PCDH15: variants seen among roughly 807,000 people sequenced by gnomAD.
PCDH15 encodes the protein protocadherin related 15.
Under a neutral mutation model 178.5 loss-of-function variants are expected in PCDH15, and 129 were observed. The ratio of observed to expected loss-of-function variants is 0.72; its 90% CI spans 0.63 to 0.84. The LOEUF (loss-of-function observed/expected upper bound fraction) is 0.84, where lower values mean the gene tolerates loss of function less well. PCDH15 is among the 40% of genes least tolerant of loss of function. The pLI is 0.00. For missense variants in PCDH15, 2,230 were observed against 2,099.9 expected, an observed-to-expected ratio of 1.06 and a Z score of -1.21; for synonymous variants, 800 against 732.0, an observed-to-expected ratio of 1.09 and a Z score of -1.50.
intron 25 of PCDH15, among the ~76,000 whole-genome samples, chr10:53,903,673 C>T (rs771161713): frequency 1.3e-5 from 2 of 152,070 alleles, no homozygotes; most frequent in Non-Finnish European, 2.9e-5. Context: ...CTACTGTTCA[C>T]GTTCACAAAC....
At chr10:55,252,469 TA>T (rs2132225058) in intron 1 of PCDH15, among the ~76,000 whole-genome samples, 1 of 152,284 alleles carries the variant, frequency 6.6e-6, no homozygotes, top group South Asian at 2.1e-4. Flanking sequence ...TTTCCCAAAT[TA>T]TAAAATATTG....
chr10:54,248,997 A>C (rs2056242226), intron 8 of PCDH15, among the ~76,000 whole-genome samples: 1 of 151,518 alleles, frequency 6.6e-6, no homozygotes, highest in African/African-American at 2.4e-5. Flanking sequence ...TAGCAAAAAT[A>C]TTTATTGTCT....
At chr10:54,162,391 A>C (rs2045805785) in intron 13 of PCDH15, among the ~76,000 whole-genome samples, 1 of 152,192 alleles carries the variant, frequency 6.6e-6, no homozygotes, top group African/African-American at 2.4e-5. Flanking sequence ...AGCCAGACCC[A>C]TGGAAGAAAA....
chr10:53,977,368 T>C (rs1589726396), intron 21 of PCDH15, among the ~76,000 whole-genome samples: 2 of 152,226 alleles, frequency 1.3e-5, no homozygotes, highest in South Asian at 2.1e-4. Context: ...AGACAGTTTA[T>C]GAATTTGTGT....
chr10:54,283,888 A>C (rs2058864238), intron 8 of PCDH15, among the ~76,000 whole-genome samples: 1 of 152,150 alleles, frequency 6.6e-6, no homozygotes, highest in African/African-American at 2.4e-5. Context: ...TCACTCTTTC[A>C]CCTGGGCTGG....
intron 2 of PCDH15, among the ~76,000 whole-genome samples, chr10:54,638,839 G>A (rs1032009678): frequency 6.6e-5 from 10 of 151,948 alleles, no homozygotes; most frequent in African/African-American, 2.4e-4. Context: ...TAGACACCAC[G>A]GAACACCGCT....
At chr10:54,403,195 C>A (rs1445427231) in intron 3 of PCDH15, among the ~76,000 whole-genome samples, 1 of 151,960 alleles carries the variant, frequency 6.6e-6, no homozygotes, top group Non-Finnish European at 1.5e-5. Context: ...AAATCCAGAG[C>A]AAGGACCTAG....
Position 54,152,532 on chromosome 10 carries a change from C to A in PCDH15, c.1784+568G>T, listed in dbSNP as rs746143827. Reference sequence around the variant, plus strand: ...TACATTCATTGTGAATGGAAAAAAACCCCAGCAAAGTGAAGGAATATATTA... The same window carrying A: ...TACATTCATTGTGAATGGAAAAAAAACCCAGCAAAGTGAAGGAATATATTA... On this transcript the variant is annotated intron_variant, in intron 14 of 37. Coordinates refer to ENST00000644397, the MANE Select transcript of PCDH15 (RefSeq NM_001384140.1). 5.7e-4 allele frequency among the ~76,000 whole-genome samples: 86 copies of A among 151,342 alleles called. 1 individual carries two copies. Among genetic ancestry groups the A allele is most frequent in the Non-Finnish European group, 2.5e-4 (17 of 67,860 alleles).
chr10:55,518,394 T>A (rs1841071976), intron 2 of PCDH15, among the ~76,000 whole-genome samples: 1 of 152,062 alleles, frequency 6.6e-6, no homozygotes, highest in East Asian at 1.9e-4. Context: ...AGCACTGTCA[T>A]CTCAGACAAA....
At chr10:54,662,083 C>T (rs1197166628) in intron 2 of PCDH15, among the ~76,000 whole-genome samples, 1 of 151,760 alleles carries the variant, frequency 6.6e-6, no homozygotes, top group East Asian at 1.9e-4. Flanking sequence ...AGTTTCTGCA[C>T]AGCAAAAGAA....
intron 2 of PCDH15, among the ~76,000 whole-genome samples, chr10:55,545,377 G>C (rs1841857170): frequency 6.6e-6 from 1 of 151,778 alleles, no homozygotes; most frequent in Admixed American, 6.6e-5. Context: ...CCGGGTACAA[G>C]TGATTCTCCT....
chr10:54,656,643 C>G (rs1161288620), intron 2 of PCDH15, among the ~76,000 whole-genome samples: 1 of 152,144 alleles, frequency 6.6e-6, no homozygotes, highest in Non-Finnish European at 1.5e-5. Context: ...ACCCCATAAC[C>G]TGCTCTGACA....
At chr10:53,943,262 G>T (rs1004370072) in intron 23 of PCDH15, among the ~76,000 whole-genome samples, 2 of 152,016 alleles carry the variant, frequency 1.3e-5, no homozygotes, top group Non-Finnish European at 2.9e-5. Context: ...GCTGAGCCGG[G>T]TGAATCCCCT....
upstream of PCDH15, among the ~76,000 whole-genome samples, chr10:54,802,775 A>G (rs1353611441): frequency 6.6e-6 from 1 of 152,160 alleles, no homozygotes; most frequent in African/African-American, 2.4e-5. Context: ...AAGAATTATT[A>G]AGTGTAGTTA....
At chr10:54,286,707 C>A (rs1182130192) in intron 8 of PCDH15, among the ~76,000 whole-genome samples, 1 of 152,094 alleles carries the variant, frequency 6.6e-6, no homozygotes, top group African/African-American at 2.4e-5. Flanking sequence ...CTCACTGCAA[C>A]CTCCGCCTCC....
At chr10:55,077,652 C>G (rs888602377) in intron 2 of PCDH15, among the ~76,000 whole-genome samples, 1 of 151,912 alleles carries the variant, frequency 6.6e-6, no homozygotes, top group Non-Finnish European at 1.5e-5. Flanking sequence ...TGGGTTCAAG[C>G]GATTCTCCTG....
intron 2 of PCDH15, among the ~76,000 whole-genome samples, chr10:55,093,044 G>C (rs1002182231): frequency 1.1e-4 from 16 of 151,950 alleles, no homozygotes; most frequent in African/African-American, 3.9e-4. Context: ...AAGATGAACT[G>C]TGGTACCAGA....
At chr10:54,533,368 G>A (rs2084130933) in intron 2 of PCDH15, among the ~76,000 whole-genome samples, 1 of 152,104 alleles carries the variant, frequency 6.6e-6, no homozygotes, top group Non-Finnish European at 1.5e-5. Flanking sequence ...CTCAGCAGAT[G>A]TGAAAGGCTA....
At chr10:54,100,812 G>A (rs1240414752) in intron 15 of PCDH15, among the ~76,000 whole-genome samples, 5 of 151,632 alleles carry the variant, frequency 3.3e-5, no homozygotes, top group Admixed American at 1.3e-4. Flanking sequence ...TCAAATTCCC[G>A]GCAACCACTT....
Sources: gnomAD v4.1 joint callset for allele counts (sites outside exome capture counted in the v4.1 genomes callset) on GRCh38, gnomAD v4.1.1 for gene constraint, MANE v1.5 for transcripts, NCBI Gene and HGNC (gene_info 2026-07-23, HGNC 2026-07-21) for gene names.